The following MRPL39 variants were observed in gnomAD, a reference collection of about 807,000 sequenced individuals.
MRPL39 encodes mitochondrial ribosomal protein L39.
Under a neutral mutation model 44.5 loss-of-function variants are expected in MRPL39, and 35 were observed. The ratio of observed to expected loss-of-function variants is 0.79; its 90% CI spans 0.60 to 1.04. The LOEUF (loss-of-function observed/expected upper bound fraction) is 1.04, where lower values mean the gene tolerates loss of function less well. Ranked by LOEUF, MRPL39 falls within the 50% of genes least tolerant of loss-of-function variation. The pLI is 0.00. For missense variants in MRPL39, 433 were observed against 413.5 expected (o/e 1.05, Z -0.41); for synonymous variants, 139 against 136.1 (o/e 1.02, Z -0.15).
At chr21:25,591,642 G>C (rs900680819) in intron 8 of MRPL39, among the ~76,000 whole-genome samples, 1 of 106,674 alleles carries the variant, frequency 9.4e-6, no homozygotes, top group Non-Finnish European at 2.2e-5. Flanking sequence ...AAACATATCA[G>C]AATGACTAAA....
chr21:25,594,871 T>C (rs550923156), intron 6 of MRPL39, among the ~76,000 whole-genome samples: 66 of 152,322 alleles, frequency 4.3e-4, no homozygotes, highest in Non-Finnish European at 7.5e-4. Context: ...CCCAAACTTG[T>C]TCTTCCTCCT....
In MRPL39 at chr21:25,599,723, C is replaced by T. The variant is rs939278064; in HGVS notation, c.588+76G>A. On this transcript the variant is annotated intron_variant, in intron 5 of 9. Coordinates refer to ENST00000352957, the MANE Select transcript of MRPL39 (RefSeq NM_017446.4). Reference sequence around the variant, plus strand: ...GTTCTCAACATGCAGTACCATTCAACAATACTAACATAGGAATCATTCTAA... The same window carrying T: ...GTTCTCAACATGCAGTACCATTCAATAATACTAACATAGGAATCATTCTAA... 5 of 1,220,932 alleles carry T rather than the reference C, an allele frequency of 4.1e-6. No individual in the cohort carries two copies. In the Admixed American group the frequency reaches 8.8e-5, roughly 22 times the overall value. The allele number at this position is 1,220,932 out of a possible 1,614,324, so 75.6% of individuals were successfully genotyped here.
At chr21:25,588,527 G>A (rs913449964) in intron 9 of MRPL39, among the ~76,000 whole-genome samples, 6 of 152,070 alleles carry the variant, frequency 3.9e-5, no homozygotes, top group African/African-American at 1.2e-4. Flanking sequence ...TAAATCCTAA[G>A]ACCTAACTGA....
chr21:25,588,896 G>A lies in MRPL39; in HGVS notation c.922-14C>T. 6.2e-7 allele frequency: 1 copy of A among 1,607,934 alleles called. No individual in the cohort carries two copies. Among genetic ancestry groups the A allele is most frequent in the Non-Finnish European group, 8.5e-7 (1 of 1,175,344 alleles). The stretch of plus-strand genomic sequence containing the variant: ...TGTAAAATGTGCCTTGAAAAGAAAA[G>A]ATTTGCGATGAACTAAATGAAGCAG... On this transcript the variant is annotated splice_polypyrimidine_tract_variant and intron_variant, in intron 8 of 9. Transcript: ENST00000352957.
chr21:25,592,096 C>T (rs4817030), intron 8 of MRPL39, among the ~76,000 whole-genome samples: 119,188 of 152,164 alleles, frequency 0.78, 46,858 homozygotes, highest in Non-Finnish European at 0.82. Flanking sequence ...CCCATTCATA[C>T]AATATTCTTG....
intron 9 of MRPL39, 61 bp downstream of exon 9, chr21:25,588,774 T>G: frequency 7.0e-7 from 1 of 1,436,588 alleles, no homozygotes; most frequent in Non-Finnish European, 9.6e-7. Flanking sequence ...TTGGTTGTTA[T>G]TGGTTAATTT....
At chr21:25,589,255 A>G (rs1341491385) in intron 8 of MRPL39, among the ~76,000 whole-genome samples, 1 of 152,214 alleles carries the variant, frequency 6.6e-6, no homozygotes, top group Non-Finnish European at 1.5e-5. Context: ...TTCAATCCTT[A>G]AACAGCCAGT....
intron 1 of MRPL39, 95 bp downstream of exon 1, chr21:25,607,307 GC>G: frequency 7.4e-7 from 1 of 1,358,540 alleles, no homozygotes; most frequent in Non-Finnish European, 1.0e-6. Flanking sequence ...TCCTTCCTCT[GC>G]CCCGCGGGAC....
At chr21:25,595,367 CAGA>C (rs1196572402) in intron 6 of MRPL39, among the ~76,000 whole-genome samples, 1 of 152,210 alleles carries the variant, frequency 6.6e-6, no homozygotes, top group Non-Finnish European at 1.5e-5. Context: ...ACTCCTGCAG[CAGA>C]AGGACTCAAT....
At chr21:25,595,850 T>G (rs1007206647) in intron 6 of MRPL39, among the ~76,000 whole-genome samples, 4 of 152,224 alleles carry the variant, frequency 2.6e-5, no homozygotes, top group Admixed American at 6.5e-5. Flanking sequence ...CCTAGACTTT[T>G]GTCACAGAGA....
intron 6 of MRPL39, among the ~76,000 whole-genome samples, chr21:25,594,945 T>G (rs1177212287): frequency 6.6e-6 from 1 of 152,214 alleles, no homozygotes; most frequent in Non-Finnish European, 1.5e-5. Context: ...ACCTGGGAGA[T>G]TTCCTTGATT....
intron 2 of MRPL39, among the ~76,000 whole-genome samples, chr21:25,604,709 C>T (rs1452443752): frequency 6.6e-6 from 1 of 152,214 alleles, no homozygotes. Context: ...CAGCTACTCA[C>T]AAAAGTAGTC....
At chr21:25,606,999 A>G (rs2031696548) in intron 1 of MRPL39, among the ~76,000 whole-genome samples, 1 of 152,266 alleles carries the variant, frequency 6.6e-6, no homozygotes, top group Non-Finnish European at 1.5e-5. Context: ...AGGAAACCAA[A>G]GGTCCCACAC....
At position 25,607,441 on chromosome 21, in the gene MRPL39, C is replaced by T. The variant is rs1305564188; in HGVS notation, c.35G>A (p.Arg12Gln). The change falls in exon 1 of 10, where the codon CGG becomes CAG. Residue 12 changes from arginine (R) to glutamine (Q), a missense_variant. Arg to Gln is a conservative substitution (Grantham distance 43). Transcript: ENST00000352957. ...EALAMGSRAL[R>Q]LWLVAPGGGI... ...GCCACCGGGTGCGACCAGCCAGAGCCGCAGCGCCCGGGAACCCATGGCCAG... is the reference window on the plus strand; with the variant it reads ...GCCACCGGGTGCGACCAGCCAGAGCTGCAGCGCCCGGGAACCCATGGCCAG... 3.7e-6 allele frequency: 6 copies of T among 1,613,304 alleles called. No individual in the cohort carries two copies. Among genetic ancestry groups the T allele is most frequent in the Non-Finnish European group, 3.4e-6 (4 of 1,179,958 alleles).
chr21:25,603,645 T>G (rs73899034), intron 3 of MRPL39, 151 bp downstream of exon 3: 22,824 of 738,990 alleles, frequency 0.031, 1,864 homozygotes, highest in African/African-American at 0.21. Flanking sequence ...ACTACAAAAG[T>G]GCCTAATCTA....
chr21:25,601,062 C>T (rs1485454572), intron 4 of MRPL39, among the ~76,000 whole-genome samples: 2 of 150,878 alleles, frequency 1.3e-5, no homozygotes, highest in East Asian at 2.0e-4. Flanking sequence ...GAGCCAAGAT[C>T]ACGCCACTGC....
chr21:25,601,513 G>A, intron 3 of MRPL39, 46 bp from the exon 4 acceptor site: 10 of 1,242,816 alleles, frequency 8.0e-6, no homozygotes, highest in Non-Finnish European at 1.1e-5. Flanking sequence ...AACACACTGA[G>A]ATTCACTAAA....
intron 2 of MRPL39, 85 bp downstream of exon 2, chr21:25,606,364 A>G (rs1385271062): frequency 1.6e-6 from 2 of 1,226,962 alleles, no homozygotes; most frequent in Non-Finnish European, 2.3e-6. Context: ...GACCAGAAGT[A>G]ATTACAGCAT....
chr21:25,601,275 T>C (rs1490413116), intron 4 of MRPL39, 93 bp downstream of exon 4: 12 of 630,400 alleles, frequency 1.9e-5, no homozygotes, highest in African/African-American at 3.8e-5. Context: ...ATATGTATAA[T>C]GGTAATTTAT....
Sources: gnomAD v4.1 joint callset for allele counts (sites outside exome capture counted in the v4.1 genomes callset) on GRCh38, gnomAD v4.1.1 for gene constraint, MANE v1.5 for transcripts, NCBI Gene and HGNC (gene_info 2026-07-23, HGNC 2026-07-21) for gene names.